The following ENPP2 variants were observed in gnomAD, a reference collection of about 807,000 sequenced individuals.
ENPP2 encodes the protein ectonucleotide pyrophosphatase/phosphodiesterase 2.
A neutral mutation model predicts 120.2 loss-of-function variants in ENPP2; 51 were observed. The observed-to-expected ratio is 0.42, with a 90% confidence interval of 0.34 to 0.54. The LOEUF (loss-of-function observed/expected upper bound fraction) is 0.54, where lower values mean the gene tolerates loss of function less well. Ranked by LOEUF, ENPP2 falls within the 20% of genes least tolerant of loss-of-function variation. The pLI is 0.04. For synonymous variants in ENPP2, 365 were observed against 366.4 expected (o/e 1.00, Z 0.04); for missense variants, 920 against 1,066.5 (o/e 0.86, Z 1.91).
intron 18 of ENPP2, among the ~76,000 whole-genome samples, chr8:119,581,279 A>G (rs925836863): frequency 2.0e-5 from 3 of 151,648 alleles, no homozygotes; most frequent in Non-Finnish European, 4.4e-5. Context: ...AAAAAAAAAA[A>G]AAAAGAAAAC....
intron 24 of ENPP2, among the ~76,000 whole-genome samples, chr8:119,558,988 G>A (rs1455565077): frequency 6.6e-6 from 1 of 152,198 alleles, no homozygotes; most frequent in Non-Finnish European, 1.5e-5. Flanking sequence ...GTTCGGGAGG[G>A]TGTTGGTTCA....
chr8:119,601,589 T>C (rs528943624), intron 9 of ENPP2, 127 bp from the exon 10 acceptor site: 31 of 667,944 alleles, frequency 4.6e-5, no homozygotes, highest in Non-Finnish European at 7.5e-5. Flanking sequence ...TCACTTCATT[T>C]GTAGTAAAAG....
chr8:119,636,716 AC>A (rs1817020126), intron 2 of ENPP2, among the ~76,000 whole-genome samples: 1 of 152,180 alleles, frequency 6.6e-6, no homozygotes, highest in Non-Finnish European at 1.5e-5. Context: ...TCCAATCTAT[AC>A]TTTTCAAGTT....
At chr8:119,595,396 C>T (rs1813815538) in intron 11 of ENPP2, among the ~76,000 whole-genome samples, 1 of 152,168 alleles carries the variant, frequency 6.6e-6, no homozygotes, top group African/African-American at 2.4e-5. Context: ...CTATTTCCTT[C>T]TCTATAACCT....
At chr8:119,618,952 C>T (rs1815680199) in intron 5 of ENPP2, among the ~76,000 whole-genome samples, 1 of 152,004 alleles carries the variant, frequency 6.6e-6, no homozygotes, top group Non-Finnish European at 1.5e-5. Context: ...AAAGTCTTAG[C>T]CAGAATATTC....
At chr8:119,657,288 C>A (rs114173103) in intron 1 of ENPP2, among the ~76,000 whole-genome samples, 32 of 152,270 alleles carry the variant, frequency 2.1e-4, no homozygotes, top group African/African-American at 7.7e-4. Flanking sequence ...TGATCAAGGC[C>A]ACATAGTCTG....
At chr8:119,582,270 A>C (rs371344197) in intron 18 of ENPP2, 148 bp downstream of exon 18, 1 of 613,632 alleles carries the variant, frequency 1.6e-6, no homozygotes. Flanking sequence ...TGAAATAAAA[A>C]TTTGAGTTCC....
At chr8:119,621,989 C>T (rs889425288) in intron 3 of ENPP2, among the ~76,000 whole-genome samples, 8 of 152,140 alleles carry the variant, frequency 5.3e-5, no homozygotes, top group East Asian at 3.9e-4. Context: ...AGTGCTGTGG[C>T]GCAATCTCGG....
chr8:119,564,768 T>G, intron 23 of ENPP2, 55 bp downstream of exon 23: 1 of 1,543,338 alleles, frequency 6.5e-7, no homozygotes, highest in Non-Finnish European at 8.8e-7. Context: ...AAAAACTTCT[T>G]GAGTGAGATC....
chr8:119,630,033 G>A (rs983115784), intron 2 of ENPP2, among the ~76,000 whole-genome samples: 2 of 152,042 alleles, frequency 1.3e-5, no homozygotes, highest in African/African-American at 2.4e-5. Context: ...ACAGATGTGC[G>A]GTGTTCCTGC....
rs1250590177 is a variant in ENPP2 at position 119,612,427 on chromosome 8, G to A, written c.777+3838C>T. Among the ~76,000 whole-genome samples the A allele has an allele frequency of 3.3e-5, 5 of 152,190 alleles. No individual in the cohort carries two copies. The East Asian group carries it at 9.6e-4, about 29-fold the overall frequency. ...AAGTCAACCCCTTTTGGCCTGGAAA[G>A]TCACCCCTATTCTGTGTCATTCTTC... On this transcript the variant is annotated intron_variant, in intron 8 of 24. Transcript: ENST00000075322.
chr8:119,568,069 T>G (rs1814623204), intron 22 of ENPP2, 106 bp downstream of exon 22: 1 of 717,760 alleles, frequency 1.4e-6, no homozygotes, highest in Non-Finnish European at 2.5e-6. Context: ...GTTAAACACA[T>G]GAAAAGTATT....
chr8:119,586,072 T>G, intron 15 of ENPP2, 114 bp downstream of exon 15: 304 of 1,162,250 alleles, frequency 2.6e-4, no homozygotes, highest in Non-Finnish European at 3.5e-4. Context: ...TTGGAAACAG[T>G]GAGATTTCCA....
At chr8:119,663,221 G>A (rs948656165) in intron 1 of ENPP2, among the ~76,000 whole-genome samples, 7 of 151,964 alleles carry the variant, frequency 4.6e-5, no homozygotes. Context: ...TTTCAAGTTA[G>A]GTCAAAAAAC....
At chr8:119,604,624 A>G (rs1170210077) in intron 9 of ENPP2, among the ~76,000 whole-genome samples, 1 of 152,038 alleles carries the variant, frequency 6.6e-6, no homozygotes, top group Admixed American at 6.6e-5. Flanking sequence ...AGTATTTACT[A>G]GTAAAGGAGA....
chr8:119,559,893 T>C (rs902511342), intron 24 of ENPP2, among the ~76,000 whole-genome samples: 1 of 152,166 alleles, frequency 6.6e-6, no homozygotes, highest in Non-Finnish European at 1.5e-5. Flanking sequence ...AGCTTCTACA[T>C]GAACAGGTGA....
At chr8:119,657,360 C>G (rs1326378898) in intron 1 of ENPP2, among the ~76,000 whole-genome samples, 1 of 152,222 alleles carries the variant, frequency 6.6e-6, no homozygotes, top group Non-Finnish European at 1.5e-5. Flanking sequence ...TTACACCATA[C>G]CATGCCTCCT....
intron 8 of ENPP2, among the ~76,000 whole-genome samples, chr8:119,610,177 A>T (rs756309880): frequency 2.0e-5 from 3 of 152,210 alleles, no homozygotes; most frequent in Non-Finnish European, 4.4e-5. Flanking sequence ...ATCAGAAAAA[A>T]AAAACTAACC....
Position 119,562,132 on chromosome 8 carries a change from G to A in ENPP2, c.2421+725C>T, listed in dbSNP as rs987840886. On this transcript the variant is annotated intron_variant, in intron 24 of 24. Coordinates refer to ENST00000075322, the MANE Select transcript of ENPP2 (RefSeq NM_001040092.3). ...AGCCTAGGTGACAGAGTGAGACTCC[G>A]CCTCAAAAAAAAAAAAGTTTTCATT... is the stretch of plus-strand genomic sequence containing the variant. 2.1e-5 allele frequency among the ~76,000 whole-genome samples: 3 copies of A among 142,162 alleles called. No homozygotes were observed. The Admixed American group carries it at 2.2e-4, about 10-fold the overall frequency. The allele number at this position is 142,162 out of a possible 152,430, so 93.3% of individuals were successfully genotyped here.
Sources: allele counts gnomAD v4.1 joint callset (sites outside exome capture counted in the v4.1 genomes callset), GRCh38; gene constraint gnomAD v4.1.1; transcripts MANE v1.5; gene names NCBI Gene and HGNC (gene_info 2026-07-23, HGNC 2026-07-21).